DNAH6: variants seen among roughly 807,000 people sequenced by gnomAD.
DNAH6 encodes the protein axonemal beta dynein heavy chain 6.
In DNAH6, 340 loss-of-function variants were observed where a neutral mutation model predicts 491.4. The ratio of observed to expected loss-of-function variants is 0.69; its 90% CI spans 0.63 to 0.76. The LOEUF (loss-of-function observed/expected upper bound fraction) is 0.76, where lower values mean the gene tolerates loss of function less well. DNAH6 is among the 30% of genes least tolerant of loss of function. The pLI, the probability that DNAH6 is intolerant of heterozygous loss-of-function variation, is 0.00. For missense variants in DNAH6, 4,443 were observed against 4,972.2 expected (o/e 0.89, Z 3.20); for synonymous variants, 1,603 against 1,686.1 (o/e 0.95, Z 1.21).
chr2:84,534,985 G>A (rs560291154), intron 4 of DNAH6, among the ~76,000 whole-genome samples: 31 of 151,928 alleles, frequency 2.0e-4, no homozygotes, highest in Non-Finnish European at 4.0e-4. Flanking sequence ...TTGGTAAAGA[G>A]CACTGTAGGC....
intron 21 of DNAH6, among the ~76,000 whole-genome samples, chr2:84,608,290 T>G (rs1337685140): frequency 1.3e-5 from 2 of 152,256 alleles, no homozygotes; most frequent in Non-Finnish European, 2.9e-5. Context: ...CCAAATATTT[T>G]CAATGGCATC....
chr2:84,694,326 C>T lies in DNAH6; in HGVS notation c.7370C>T (p.Thr2457Met), dbSNP rs1474973363. ...GVGGTGKQSL[T>M]RLAAHICGYK... ...GGAGGCACAGGAAAGCAGTCACTCACGAGACTTGCAGCTCATATATGCGGT... is the reference window on the plus strand; with the variant it reads ...GGAGGCACAGGAAAGCAGTCACTCATGAGACTTGCAGCTCATATATGCGGT... Residue 2457 changes from threonine to methionine, a missense_variant, in exon 46 of 77, where the codon ACG becomes ATG. Around this residue, in one of 3 missense-constraint regions of DNAH6, gnomAD observed 2,977 missense variants for 3,296.6 expected, o/e 0.90. Transcript: ENST00000389394. 1.9e-6 allele frequency: 3 copies of T among 1,552,226 alleles called. No homozygotes were observed. The highest frequency in any genetic ancestry group is 2.0e-5 in the Admixed American group (1 of 50,996).
At chr2:84,641,828 G>C in intron 32 of DNAH6, 119 bp from the exon 33 acceptor site, 2 of 748,598 alleles carry the variant, frequency 2.7e-6, no homozygotes. Flanking sequence ...GAGGGAAAAT[G>C]ATCTTCTCCT....
At chr2:84,813,914 G>T (rs545773108) in intron 74 of DNAH6, 57 bp from the exon 75 acceptor site, 1 of 1,532,940 alleles carries the variant, frequency 6.5e-7, no homozygotes, top group South Asian at 1.2e-5. Flanking sequence ...AAGGGGAATA[G>T]TGCCTGGGGA....
At position 84,593,396 on chromosome 2, in the gene DNAH6, C is replaced by T. The variant is rs184137158; in HGVS notation, c.2611-576C>T. ...ACCAACTCCCTGAAGGTTTCCCCAG[C>T]GTTGAACCAAGGCAATCTTAAACAC... On this transcript the variant is annotated intron_variant, in intron 16 of 76. Transcript: ENST00000389394. Among the ~76,000 whole-genome samples, 235 of 152,304 alleles carry T rather than the reference C, an allele frequency of 1.5e-3. 1 individual carries two copies. Among genetic ancestry groups the T allele is most frequent in the Non-Finnish European group, 2.2e-3 (152 of 68,018 alleles).
chr2:84,698,611 T>G (rs1160365832), intron 47 of DNAH6, among the ~76,000 whole-genome samples: 1 of 152,162 alleles, frequency 6.6e-6, no homozygotes, highest in African/African-American at 2.4e-5. Flanking sequence ...AGGAGCCACT[T>G]CCAGAAATAA....
At chr2:84,699,293 A>C (rs1265216859) in intron 47 of DNAH6, among the ~76,000 whole-genome samples, 3 of 152,116 alleles carry the variant, frequency 2.0e-5, no homozygotes, top group Non-Finnish European at 4.4e-5. Context: ...CTTCTGCCCC[A>C]CAGCAAAACC....
At chr2:84,777,713 C>T (rs747980682) in intron 64 of DNAH6, 44 of 823,934 alleles carry the variant, frequency 5.3e-5, no homozygotes, top group Non-Finnish European at 8.5e-5. Flanking sequence ...TGGGTGAACT[C>T]CCAGCCCTTC....
rs1293294127 is a variant in DNAH6 at position 84,781,623 on chromosome 2, G to A, written c.10834G>A (p.Glu3612Lys). Residue 3612 changes from glutamate (E) to lysine (K), a missense_variant, in exon 65 of 77, where the codon GAA (glutamate) becomes AAA (lysine). Glu to Lys is a moderately conservative substitution (Grantham distance 56). Around this residue, in one of 3 missense-constraint regions of DNAH6, gnomAD observed 1,463 missense variants for 1,656.6 expected, o/e 0.88. Coordinates refer to ENST00000389394, the MANE Select transcript of DNAH6 (RefSeq NM_001370.2). Reference sequence around the variant, plus strand: ...TGCTGTTTCTTGGATGTTGGCAATGGAAGAGCTCATTAAAACCTTCACAGA... The same window carrying A: ...TGCTGTTTCTTGGATGTTGGCAATGAAAGAGCTCATTAAAACCTTCACAGA... Reference protein sequence around the residue: ...HLAVSWMLAMEELIKTFTDPD... With the variant: ...HLAVSWMLAMKELIKTFTDPD... The A allele has an allele frequency of 6.4e-7, 1 of 1,551,770 alleles. No individual in the cohort carries two copies. The highest frequency in any genetic ancestry group is 8.7e-7 in the Non-Finnish European group (1 of 1,146,934).
the DNAH6 span, among the ~76,000 whole-genome samples, chr2:84,482,693 G>T: frequency 2.0e-5 from 3 of 152,236 alleles, no homozygotes; most frequent in Non-Finnish European, 4.4e-5. Context: ...AGACGTGGTT[G>T]TGACTTATCA....
chr2:84,539,783 T>C (rs1371677362), intron 4 of DNAH6, among the ~76,000 whole-genome samples: 7 of 152,152 alleles, frequency 4.6e-5, no homozygotes, highest in Admixed American at 1.3e-4. Flanking sequence ...TTCCTCTTAG[T>C]TTTGCTTTTG....
In DNAH6 at chr2:84,654,617, G is replaced by A. The variant is rs575462551; in HGVS notation, c.5635-43G>A. 133 of 1,547,090 alleles carry A rather than the reference G, an allele frequency of 8.6e-5. 1 individual carries two copies. The South Asian group carries it at 1.2e-3, about 14-fold the overall frequency. On this transcript the variant is annotated intron_variant, in intron 34 of 76. Coordinates refer to ENST00000389394, the MANE Select transcript of DNAH6 (RefSeq NM_001370.2). ...ACATTGAAGTTGGAGAAATAAGGAA[G>A]TATCATATTAGCTGTTTCCTGTTCA...
At chr2:84,596,277 C>A (rs891429308) in intron 18 of DNAH6, among the ~76,000 whole-genome samples, 1 of 152,052 alleles carries the variant, frequency 6.6e-6, no homozygotes, top group African/African-American at 2.4e-5. Context: ...GGTTAAGAAA[C>A]GGGATATGAT....
At chr2:84,707,093 C>T in intron 53 of DNAH6, 74 bp downstream of exon 53, 1 of 1,438,382 alleles carries the variant, frequency 7.0e-7, no homozygotes, top group Non-Finnish European at 9.1e-7. Context: ...TTTTGGCAAT[C>T]AGGTTTCAGC....
intron 16 of DNAH6, among the ~76,000 whole-genome samples, chr2:84,589,436 G>A (rs1314776741): frequency 6.6e-6 from 1 of 152,150 alleles, no homozygotes; most frequent in Non-Finnish European, 1.5e-5. Flanking sequence ...TGAGGACCAG[G>A]AGCAGTGGCT....
chr2:84,567,175 CA>C (rs1681286833), intron 11 of DNAH6, among the ~76,000 whole-genome samples: 1 of 151,944 alleles, frequency 6.6e-6, no homozygotes, highest in Non-Finnish European at 1.5e-5. Context: ...CACTTATAAA[CA>C]GAGAGAATCT....
chr2:84,521,057 C>T (rs953942178), intron 2 of DNAH6, among the ~76,000 whole-genome samples: 28 of 152,024 alleles, frequency 1.8e-4, no homozygotes, highest in Admixed American at 1.8e-3. Flanking sequence ...CAAATAAATA[C>T]AATACTCTCC....
chr2:84,584,271 G>A, intron 15 of DNAH6, 21 bp downstream of exon 15: 1 of 1,606,996 alleles, frequency 6.2e-7, no homozygotes, highest in Non-Finnish European at 8.5e-7. Flanking sequence ...TCATTATTTT[G>A]TAAAAATAAT....
chr2:84,762,907 A>G lies in DNAH6; in HGVS notation c.10665A>G (p.Ala3555=), dbSNP rs373251921. ...ILSTGSDPMG[A]FQRFARESGY... ...GCACAGGCTCAGATCCCATGGGTGC[A>G]TTTCAGAGGTTTGCCAGGGAAAGTG... The change falls in exon 64 of 77, where the codon GCA becomes GCG. Residue 3555 remains alanine, a synonymous_variant. Coordinates refer to ENST00000389394, the MANE Select transcript of DNAH6 (RefSeq NM_001370.2). 14 of 1,551,400 alleles carry G rather than the reference A, an allele frequency of 9.0e-6. No individual in the cohort carries two copies. The highest frequency in any genetic ancestry group is 9.6e-6 in the Non-Finnish European group (11 of 1,146,848).
Sources: gnomAD v4.1 joint callset for allele counts (sites outside exome capture counted in the v4.1 genomes callset) on GRCh38, gnomAD v4.1.1 for gene constraint, gnomAD v4.1.1 regional missense constraint, MANE v1.5 for transcripts, NCBI Gene and HGNC (gene_info 2026-07-23, HGNC 2026-07-21) for gene names.